Variants in AMPD3 observed in about 807,000 individuals in gnomAD.
AMPD3 encodes AMP deaminase 3.
A neutral mutation model predicts 82.3 loss-of-function variants in AMPD3; 57 were observed. The ratio of observed to expected loss-of-function variants is 0.69; its 90% CI spans 0.56 to 0.86. AMPD3 has a LOEUF of 0.86. Among genes scored for constraint, AMPD3 ranks in the 40% least tolerant of loss-of-function variants. The pLI, the probability that AMPD3 is intolerant of heterozygous loss-of-function variation, is 0.00. For synonymous variants in AMPD3, 381 were observed against 394.7 expected (o/e 0.97, Z 0.41); for missense variants, 870 against 1,003.8 (o/e 0.87, Z 1.80).
At chr11:10,451,741 G>A (rs900677651), upstream of AMPD3, among the ~76,000 whole-genome samples, 2 of 152,214 alleles carry the variant, frequency 1.3e-5, no homozygotes, top group Non-Finnish European at 2.9e-5. Flanking sequence ...AGCACAAGGA[G>A]GGATTTTAGC....
At chr11:10,505,668 A>C (rs1564860292) in intron 14 of AMPD3, 40 bp from the exon 15 acceptor site, 1 of 1,607,468 alleles carries the variant, frequency 6.2e-7, no homozygotes, top group African/African-American at 1.3e-5. Flanking sequence ...AAAGTGAATC[A>C]AAAGTATATA....
At chr11:10,481,966 A>G in intron 3 of AMPD3, 97 bp from the exon 4 acceptor site, 1 of 1,505,670 alleles carries the variant, frequency 6.6e-7, no homozygotes, top group Non-Finnish European at 9.2e-7. Context: ...AGGTTCCCAG[A>G]TACCAGGCAA....
At chr11:10,488,312 C>T (rs1429859523) in intron 6 of AMPD3, 7 of 985,430 alleles carry the variant, frequency 7.1e-6, no homozygotes, top group Non-Finnish European at 8.4e-6. Flanking sequence ...AGAGTCACTT[C>T]CTGTCAACCA....
upstream of AMPD3, among the ~76,000 whole-genome samples, chr11:10,453,372 C>G (rs1202539745): frequency 5.9e-5 from 9 of 152,212 alleles, no homozygotes; most frequent in Non-Finnish European, 1.2e-4. Flanking sequence ...TCAACAAATA[C>G]TTGCTGAATG....
chr11:10,464,567 T>C (rs944475246), intron 2 of AMPD3, among the ~76,000 whole-genome samples: 4 of 152,164 alleles, frequency 2.6e-5, no homozygotes, highest in Non-Finnish European at 4.4e-5. Flanking sequence ...CTAAATGAAA[T>C]GGAGGGAAAC....
At chr11:10,465,998 A>G (rs551749173) in intron 2 of AMPD3, among the ~76,000 whole-genome samples, 117 of 152,250 alleles carry the variant, frequency 7.7e-4, no homozygotes, top group African/African-American at 2.7e-3. Flanking sequence ...GCAGTGGCTC[A>G]TGCCTGTAAT....
At chr11:10,469,291 CAAT>C (rs928885107) in intron 2 of AMPD3, among the ~76,000 whole-genome samples, 2 of 151,484 alleles carry the variant, frequency 1.3e-5, no homozygotes, top group African/African-American at 4.8e-5. Flanking sequence ...CAAATAGACA[CAAT>C]AAAAAATAAT....
At chr11:10,463,946 A>G (rs1460985737) in intron 2 of AMPD3, among the ~76,000 whole-genome samples, 1 of 152,136 alleles carries the variant, frequency 6.6e-6, no homozygotes, top group South Asian at 2.1e-4. Flanking sequence ...GCCACCATGG[A>G]CACTACATCA....
intron 3 of AMPD3, among the ~76,000 whole-genome samples, chr11:10,479,652 T>C (rs1239932841): frequency 1.3e-5 from 2 of 152,246 alleles, no homozygotes; most frequent in African/African-American, 4.8e-5. Context: ...ACATATATGG[T>C]CTATGTACCT....
chr11:10,498,899 T>G (rs1849497763), intron 10 of AMPD3, among the ~76,000 whole-genome samples: 1 of 152,190 alleles, frequency 6.6e-6, no homozygotes, highest in Non-Finnish European at 1.5e-5. Flanking sequence ...GTGTTCTTGG[T>G]TGGGGATGAC....
chr11:10,496,762 G>A lies in AMPD3; in HGVS notation c.1431-50G>A, dbSNP rs148332180. The A allele has an allele frequency of 5.0e-6, 8 of 1,613,826 alleles. No homozygotes were observed. In the East Asian group the frequency reaches 1.8e-4, roughly 36 times the overall value. ...GTGACTGGGGCTGGTCTCTGACAGG[G>A]CAGCAGGCTGTTGGATCCACCTGAC... On this transcript the variant is annotated intron_variant, in intron 9 of 14. Transcript: ENST00000396553.
In AMPD3 at chr11:10,458,936, T is replaced by G. The variant is rs145067295; in HGVS notation, c.-5-2579T>G. 2.4e-3 allele frequency among the ~76,000 whole-genome samples: 360 copies of G among 152,204 alleles called. 2 individuals carry two copies. Among genetic ancestry groups the G allele is most frequent in the African/African-American group, 8.3e-3 (345 of 41,544 alleles). ...GGATGGTGCCCTTGATTGGTGGCCT[T>G]GGAATAAGGGGGGAGGTGAGGATCC... is the stretch of plus-strand genomic sequence containing the variant. On this transcript the variant is annotated intron_variant, in intron 1 of 14. Coordinates refer to ENST00000396553, the MANE Select transcript of AMPD3 (RefSeq NM_001025389.2).
At chr11:10,497,477 C>A in intron 10 of AMPD3, 3 of 694,618 alleles carry the variant, frequency 4.3e-6, no homozygotes, top group South Asian at 1.3e-4. Context: ...GGGCGGGAGC[C>A]GGTCCCACCC....
In AMPD3 at chr11:10,478,599, C is replaced by G. The variant is rs1252411938; in HGVS notation, c.295C>G (p.Pro99Ala). ...QMPPQQDWKGPPAASPAMSPT... is the reference protein window; with the variant it reads ...QMPPQQDWKGAPAASPAMSPT... ...GCCGCCACAGCAAGATTGGAAGGGC[C>G]CCCCGGCAGCCAGTCCGGCCATGTC... Residue 99 changes from proline to alanine, a missense_variant, in exon 3 of 15, where the codon CCC (proline) becomes GCC (alanine). Pro to Ala is a conservative substitution (Grantham distance 27). Transcript: ENST00000396553. The G allele has an allele frequency of 6.2e-7, 1 of 1,614,078 alleles. No individual in the cohort carries two copies. The highest frequency in any genetic ancestry group is 8.5e-7 in the Non-Finnish European group (1 of 1,180,040).
intron 8 of AMPD3, 28 bp downstream of exon 8, chr11:10,495,058 C>G: frequency 4.3e-6 from 7 of 1,613,938 alleles, no homozygotes; most frequent in Non-Finnish European, 5.9e-6. Context: ...CTCTCTGAGG[C>G]CTCTCAGGTG....
chr11:10,478,300 G>A, intron 2 of AMPD3: 1 of 985,450 alleles, frequency 1.0e-6, no homozygotes, highest in East Asian at 1.1e-4. Flanking sequence ...ACAGCCCTGA[G>A]CAGTGCATGG....
chr11:10,497,766 A>G (rs1554900840), intron 10 of AMPD3: 7 of 984,936 alleles, frequency 7.1e-6, no homozygotes, highest in Non-Finnish European at 8.4e-6. Context: ...GCCTGGAGAC[A>G]GGAGGGGAGC....
upstream of AMPD3, chr11:10,451,076 G>A: frequency 6.4e-7 from 1 of 1,563,584 alleles, no homozygotes; most frequent in Non-Finnish European, 8.6e-7. Context: ...TGCTGACCTT[G>A]GGCCAGCCCC....
chr11:10,469,763 G>A (rs914823979), intron 2 of AMPD3, among the ~76,000 whole-genome samples: 1 of 152,188 alleles, frequency 6.6e-6, no homozygotes, highest in Non-Finnish European at 1.5e-5. Flanking sequence ...TCTTCGGCCG[G>A]GCGCGGTGGC....
Sources: gnomAD v4.1 joint callset for allele counts (sites outside exome capture counted in the v4.1 genomes callset) on GRCh38, gnomAD v4.1.1 for gene constraint, MANE v1.5 for transcripts, NCBI Gene and HGNC (gene_info 2026-07-23, HGNC 2026-07-21) for gene names.